PSD2: variants seen among roughly 807,000 people sequenced by gnomAD.
PSD2 encodes pleckstrin and Sec7 domain containing 2.
A neutral mutation model predicts 69.8 loss-of-function variants in PSD2; 38 were observed. The ratio of observed to expected loss-of-function variants is 0.54; its 90% CI spans 0.42 to 0.71. The LOEUF (loss-of-function observed/expected upper bound fraction) is 0.71. Among genes scored for constraint, PSD2 ranks in the 30% least tolerant of loss-of-function variants. The pLI, the probability that PSD2 is intolerant of heterozygous loss-of-function variation, is 0.00. For synonymous variants in PSD2, 412 were observed against 423.0 expected (o/e 0.97, Z 0.32); for missense variants, 943 against 1,014.5 (o/e 0.93, Z 0.96).
chr5:139,800,693 C>T (rs1057353013), intron 1 of PSD2, among the ~76,000 whole-genome samples: 12 of 152,176 alleles, frequency 7.9e-5, no homozygotes, highest in Non-Finnish European at 8.8e-5. Flanking sequence ...CACTCACTGT[C>T]TGCCAGCGTC....
At chr5:139,815,185 C>T (rs1444943795) in intron 4 of PSD2, among the ~76,000 whole-genome samples, 1 of 151,898 alleles carries the variant, frequency 6.6e-6, no homozygotes, top group Non-Finnish European at 1.5e-5. Flanking sequence ...CACTTCTTCT[C>T]CCTCCCTCCA....
At chr5:139,764,264 C>T in the PSD2 span, among the ~76,000 whole-genome samples, 15 of 152,192 alleles carry the variant, frequency 9.9e-5, no homozygotes, top group African/African-American at 3.4e-4. Context: ...CCGCCACAAC[C>T]GCAGTGGCCA....
At position 139,814,466 on chromosome 5, in the gene PSD2, G is replaced by A; in HGVS notation, c.1016+102G>A. On this transcript the variant is annotated intron_variant, in intron 4 of 14. Transcript: ENST00000274710. The surrounding 1 kb of genome is among the most constrained non-coding windows in gnomAD (Gnocchi z 4.4). ...TTCTTCAGGGGTGCCAGGTGCTGGG[G>A]GGGCACTCCCAACAGTTCCCCAAGG... 9.2e-7 allele frequency: 1 copy of A among 1,081,500 alleles called. No individual in the cohort carries two copies. The highest frequency in any genetic ancestry group is 1.3e-6 in the Non-Finnish European group (1 of 780,924). The allele number at this position is 1,081,500 out of a possible 1,614,324, so 67.0% of individuals were successfully genotyped here.
the PSD2 span, among the ~76,000 whole-genome samples, chr5:139,785,180 TTCTCC>T: frequency 3.8e-3 from 573 of 149,430 alleles, 3 homozygotes; most frequent in African/African-American, 0.011. Context: ...TTGTCTTCTC[TTCTCC>T]TCTCCTCTCC....
intron 1 of PSD2, among the ~76,000 whole-genome samples, chr5:139,799,902 AG>A (rs1171833346): frequency 2.0e-5 from 3 of 152,012 alleles, no homozygotes; most frequent in Non-Finnish European, 4.4e-5. Context: ...AGGGAGATGG[AG>A]GTTTTGAGTG....
At chr5:139,800,938 C>T (rs1759656625) in intron 1 of PSD2, among the ~76,000 whole-genome samples, 1 of 152,148 alleles carries the variant, frequency 6.6e-6, no homozygotes, top group Admixed American at 6.5e-5. Context: ...GGCACGGCGG[C>T]TCACACCTGA....
the PSD2 span, among the ~76,000 whole-genome samples, chr5:139,769,377 C>T: frequency 6.6e-6 from 1 of 152,228 alleles, no homozygotes; most frequent in Admixed American, 6.5e-5. Context: ...ACAGGGGTGG[C>T]ATGGTCAGAG....
At chr5:139,758,439 C>T in the PSD2 span, among the ~76,000 whole-genome samples, 7 of 151,984 alleles carry the variant, frequency 4.6e-5, no homozygotes, top group African/African-American at 1.5e-4. Flanking sequence ...TAAAGTGCTG[C>T]GGACCGTGCG....
chr5:139,812,442 G>A (rs1759994602), intron 2 of PSD2, among the ~76,000 whole-genome samples: 1 of 152,192 alleles, frequency 6.6e-6, no homozygotes. Flanking sequence ...GGGCCATGGG[G>A]CTGACAAGCA....
chr5:139,782,796 A>C, the PSD2 span, among the ~76,000 whole-genome samples: 6 of 152,136 alleles, frequency 3.9e-5, no homozygotes, highest in Admixed American at 1.3e-4. Context: ...CCCAGCCCTG[A>C]CTAGTTTTTG....
At chr5:139,752,226 A>ACT in the PSD2 span, among the ~76,000 whole-genome samples, 8 of 150,630 alleles carry the variant, frequency 5.3e-5, no homozygotes, top group Admixed American at 5.3e-4. Flanking sequence ...TCTGGCTCTC[A>ACT]CTCTCTCTCT....
chr5:139,822,807 G>C, intron 7 of PSD2, 23 bp downstream of exon 7: 1 of 1,596,798 alleles, frequency 6.3e-7, no homozygotes, highest in Non-Finnish European at 8.5e-7. Flanking sequence ...GGTGACGGGG[G>C]GTGTCGCATG....
intron 2 of PSD2, among the ~76,000 whole-genome samples, chr5:139,810,349 A>G (rs1162389361): frequency 6.6e-6 from 1 of 152,098 alleles, no homozygotes; most frequent in Non-Finnish European, 1.5e-5. Context: ...AGAGACCTGG[A>G]GTTTTGGGGG....
At chr5:139,822,544 G>A (rs912117222) in intron 6 of PSD2, among the ~76,000 whole-genome samples, 182 bp from the exon 7 acceptor site, 6 of 152,240 alleles carry the variant, frequency 3.9e-5, no homozygotes, top group African/African-American at 1.2e-4. Context: ...GGGCAGGCAA[G>A]TGACTTGGGT....
rs1234510063 is a variant in PSD2, at chr5:139,815,916, C to A, written c.1016+1552C>A. On this transcript the variant is annotated intron_variant, in intron 4 of 14. Transcript: ENST00000274710. The stretch of plus-strand genomic sequence containing the variant: ...GGCTGAGGCAGGAGAATCGCTTGAT[C>A]CTGGGAGGCGGAGGTTGCAGTGAGC... Among the ~76,000 whole-genome samples the A allele has an allele frequency of 2.7e-5, 4 of 150,390 alleles. No homozygotes were observed. The East Asian group carries it at 7.8e-4, about 29-fold the overall frequency.
At position 139,821,945 on chromosome 5, in the gene PSD2, G is replaced by A. The variant is rs1760271456; in HGVS notation, c.1150G>A (p.Val384Ile). The A allele has an allele frequency of 1.2e-6, 2 of 1,610,748 alleles. No individual in the cohort carries two copies. Among genetic ancestry groups the A allele is most frequent in the African/African-American group, 2.7e-5 (2 of 74,862 alleles). The change falls in exon 6 of 15, where the codon GTC becomes ATC. Residue 384 changes from valine to isoleucine, a missense_variant. Physicochemically the swap from Val to Ile is conservative, Grantham distance 29. Around this residue, in one of 3 missense-constraint regions of PSD2, gnomAD observed 312 missense variants for 400.7 expected, o/e 0.78. Coordinates refer to ENST00000274710, the MANE Select transcript of PSD2 (RefSeq NM_032289.4). ...LMGETQERER[V>I]LTHFSRRYCQ... is the part of the protein sequence containing the mutation. Reference sequence around the variant, plus strand: ...GGGGGAGACACAAGAGCGTGAGCGGGTCCTCACACACTTCTCCCGCCGGTA... The same window carrying A: ...GGGGGAGACACAAGAGCGTGAGCGGATCCTCACACACTTCTCCCGCCGGTA...
the PSD2 span, among the ~76,000 whole-genome samples, chr5:139,789,363 C>T: frequency 8.4e-4 from 128 of 152,276 alleles, 2 homozygotes; most frequent in South Asian, 0.025. Flanking sequence ...GAGAGGCCTT[C>T]GCTGAACACC....
chr5:139,782,703 G>C, the PSD2 span, among the ~76,000 whole-genome samples: 7 of 152,024 alleles, frequency 4.6e-5, no homozygotes, highest in Non-Finnish European at 1.0e-4. Flanking sequence ...GTGTTGCCCA[G>C]GCTGGTCTCG....
the PSD2 span, among the ~76,000 whole-genome samples, chr5:139,788,182 C>G: frequency 6.6e-6 from 1 of 151,692 alleles, no homozygotes; most frequent in Non-Finnish European, 1.5e-5. Context: ...CCCCCGCGCC[C>G]CCCCCCGAAC....
Sources: allele counts gnomAD v4.1 joint callset (sites outside exome capture counted in the v4.1 genomes callset), GRCh38; gene constraint gnomAD v4.1.1; regional missense constraint gnomAD v4.1.1; non-coding constraint Gnocchi (gnomAD v3.1); transcripts MANE v1.5; gene names NCBI Gene and HGNC (gene_info 2026-07-23, HGNC 2026-07-21).